EPHA6: variants seen among roughly 807,000 people sequenced by gnomAD.
EPHA6 encodes the protein ephrin type-A receptor 6.
In EPHA6, 50 loss-of-function variants were observed where a neutral mutation model predicts 112.0. That is an observed-to-expected ratio of 0.45 (90% CI 0.36 to 0.56). EPHA6 has a LOEUF of 0.56. Ranked by LOEUF, EPHA6 falls within the 20% of genes least tolerant of loss-of-function variation. The pLI, the probability that EPHA6 is intolerant of heterozygous loss-of-function variation, is 0.00. For synonymous variants in EPHA6, 529 were observed against 490.7 expected, an observed-to-expected ratio of 1.08 and a Z score of -1.03; for missense variants, 1,280 against 1,417.4, an observed-to-expected ratio of 0.90 and a Z score of 1.56.
At chr3:97,061,424 G>T (rs971151263) in intron 3 of EPHA6, among the ~76,000 whole-genome samples, 1 of 152,096 alleles carries the variant, frequency 6.6e-6, no homozygotes, top group African/African-American at 2.4e-5. Context: ...CTGTACTTTG[G>T]GCCCAGAGCC....
intron 2 of EPHA6, among the ~76,000 whole-genome samples, chr3:96,934,216 T>C (rs1332242049): frequency 6.6e-6 from 1 of 151,980 alleles, no homozygotes; most frequent in Non-Finnish European, 1.5e-5. Flanking sequence ...TTTGATTGAG[T>C]AGGCCATTTT....
At chr3:96,909,171 G>A (rs1315106409) in intron 2 of EPHA6, among the ~76,000 whole-genome samples, 1 of 151,774 alleles carries the variant, frequency 6.6e-6, no homozygotes, top group East Asian at 1.9e-4. Context: ...TTTTAAAGAT[G>A]AGCTAAGAGT....
At chr3:97,716,049 A>G (rs2034202583) in intron 14 of EPHA6, among the ~76,000 whole-genome samples, 1 of 152,234 alleles carries the variant, frequency 6.6e-6, no homozygotes, top group Non-Finnish European at 1.5e-5. Flanking sequence ...TCTCTCTCAT[A>G]AACATATGGT....
chr3:97,528,484 G>T (rs2092654380), intron 10 of EPHA6, among the ~76,000 whole-genome samples: 2 of 152,104 alleles, frequency 1.3e-5, no homozygotes, highest in Admixed American at 1.3e-4. Flanking sequence ...ACCTGTGGGA[G>T]AGCATTCCTG....
intron 10 of EPHA6, among the ~76,000 whole-genome samples, chr3:97,486,085 G>A (rs1382400381): frequency 6.6e-6 from 1 of 152,054 alleles, no homozygotes; most frequent in Non-Finnish European, 1.5e-5. Flanking sequence ...TACTGCAAAA[G>A]CAAAAAATAA....
At chr3:96,831,512 T>A (rs1179135436) in intron 1 of EPHA6, among the ~76,000 whole-genome samples, 1 of 151,662 alleles carries the variant, frequency 6.6e-6, no homozygotes, top group Non-Finnish European at 1.5e-5. Context: ...TGTTTGTGAT[T>A]GTTCATTTTT....
chr3:97,082,112 T>C (rs1013620397), intron 3 of EPHA6, among the ~76,000 whole-genome samples: 1 of 151,824 alleles, frequency 6.6e-6, no homozygotes, highest in African/African-American at 2.4e-5. Flanking sequence ...ATGTATATAT[T>C]GTAGAATGGC....
rs558406043 is a variant in EPHA6, at chr3:97,611,270, A to T, written c.2574+416A>T. Among the ~76,000 whole-genome samples, 7 of 151,920 alleles carry T rather than the reference A, an allele frequency of 4.6e-5. No homozygotes were observed. In the South Asian group the frequency reaches 1.5e-3, roughly 31 times the overall value. ...AACTGATCTGTATTTACCAACAATG[A>T]CTCAAGTTCATTTCAGAAAATGTTC... On this transcript the variant is annotated intron_variant, in intron 13 of 17. Coordinates refer to ENST00000389672, the MANE Select transcript of EPHA6 (RefSeq NM_001080448.3).
intron 12 of EPHA6, among the ~76,000 whole-genome samples, chr3:97,601,025 T>C (rs1474475556): frequency 6.6e-6 from 1 of 152,096 alleles, no homozygotes; most frequent in East Asian, 1.9e-4. Flanking sequence ...CATAAATGTT[T>C]CTTTTATCTT....
chr3:97,578,705 A>AT (rs2093410380), intron 11 of EPHA6, among the ~76,000 whole-genome samples: 1 of 152,092 alleles, frequency 6.6e-6, no homozygotes, highest in African/African-American at 2.4e-5. Context: ...TTTTAAAAAG[A>AT]TTTTTTCAGA....
chr3:96,980,226 G>C lies in EPHA6; in HGVS notation c.451-7104G>C, dbSNP rs556343751. Reference sequence around the variant, plus strand: ...TTTAATCCATCTTGAATTGATTTTTGTATAAGGTGTAAGGAAGGGATCCAG... The same window carrying C: ...TTTAATCCATCTTGAATTGATTTTTCTATAAGGTGTAAGGAAGGGATCCAG... On this transcript the variant is annotated intron_variant, in intron 2 of 17. Transcript: ENST00000389672. Among the ~76,000 whole-genome samples the C allele has an allele frequency of 3.3e-5, 5 of 152,256 alleles. No individual in the cohort carries two copies. In the East Asian group the frequency reaches 9.7e-4, roughly 29 times the overall value.
intron 3 of EPHA6, among the ~76,000 whole-genome samples, chr3:97,066,590 G>A (rs2046185245): frequency 1.3e-5 from 2 of 152,164 alleles, no homozygotes; most frequent in African/African-American, 4.8e-5. Context: ...TAAGACCCAA[G>A]AGAAGGAGAG....
chr3:97,052,251 A>G (rs758280478), intron 3 of EPHA6, among the ~76,000 whole-genome samples: 1 of 151,976 alleles, frequency 6.6e-6, no homozygotes, highest in African/African-American at 2.4e-5. Flanking sequence ...GAACTCTGTC[A>G]TATGTGTTTA....
chr3:97,721,176 C>T (rs993105336), intron 15 of EPHA6, among the ~76,000 whole-genome samples: 2 of 152,120 alleles, frequency 1.3e-5, no homozygotes, highest in Non-Finnish European at 2.9e-5. Context: ...AAGAAATCAC[C>T]TATAATGTGA....
chr3:96,967,157 G>C (rs1374726208), intron 2 of EPHA6, among the ~76,000 whole-genome samples: 1 of 149,282 alleles, frequency 6.7e-6, no homozygotes, highest in African/African-American at 2.5e-5. Context: ...CCTCAGCTTT[G>C]TGAGTGTGCT....
At chr3:97,053,740 A>G (rs2045761163) in intron 3 of EPHA6, among the ~76,000 whole-genome samples, 1 of 152,140 alleles carries the variant, frequency 6.6e-6, no homozygotes. Context: ...GTTTAAGCAG[A>G]CATTATGCCT....
chr3:97,128,282 A>G (rs1488667167), intron 3 of EPHA6, among the ~76,000 whole-genome samples: 1 of 152,110 alleles, frequency 6.6e-6, no homozygotes, highest in East Asian at 1.9e-4. Flanking sequence ...CTGAATCCAT[A>G]TGTTTGCACT....
rs1242893168 is a variant in EPHA6 at position 97,755,464 on chromosome 3, GAAC to G, written c.*6767_*6769del. On this transcript the variant is annotated 3_prime_UTR_variant, in exon 18 of 18. Transcript: ENST00000389672. ...AATAAGTTATAATCTCAACAAATCAGAACAACTGAGATACAAGTATAGATAGGG... is the reference window on the plus strand; with the variant it reads ...AATAAGTTATAATCTCAACAAATCAGAACTGAGATACAAGTATAGATAGGG... Among the ~76,000 whole-genome samples, 5 of 151,990 alleles carry G rather than the reference GAAC, an allele frequency of 3.3e-5. No homozygotes were observed. Among genetic ancestry groups the G allele is most frequent in the African/African-American group, 1.2e-4 (5 of 41,398 alleles).
intron 3 of EPHA6, among the ~76,000 whole-genome samples, 185 bp downstream of exon 3, chr3:96,988,178 C>T (rs1006168058): frequency 6.6e-6 from 1 of 152,004 alleles, no homozygotes; most frequent in Admixed American, 6.6e-5. Flanking sequence ...CTGATCTTTT[C>T]AAAATGACGA....
Sources: gnomAD v4.1 joint callset for allele counts (sites outside exome capture counted in the v4.1 genomes callset) on GRCh38, gnomAD v4.1.1 for gene constraint, MANE v1.5 for transcripts, NCBI Gene and HGNC (gene_info 2026-07-23, HGNC 2026-07-21) for gene names.